Variants in EYA3 observed in about 807,000 individuals in gnomAD.
EYA3 encodes EYA transcriptional coactivator and phosphatase 3.
In EYA3, 39 loss-of-function variants were observed where a neutral mutation model predicts 80.0. The observed-to-expected ratio is 0.49, with a 90% CI of 0.38 to 0.64. The LOEUF is 0.64. EYA3 is among the 30% of genes least tolerant of loss of function. The pLI is 0.00. For synonymous variants in EYA3, 206 were observed against 232.8 expected, an observed-to-expected ratio of 0.88 and a Z score of 1.05; for missense variants, 523 against 676.1, an observed-to-expected ratio of 0.77 and a Z score of 2.51.
At chr1:28,066,332 C>A (rs1644836800) in intron 1 of EYA3, among the ~76,000 whole-genome samples, 1 of 151,802 alleles carries the variant, frequency 6.6e-6, no homozygotes, top group Non-Finnish European at 1.5e-5. Context: ...GGGGTACTAC[C>A]TTACTTAAAA....
chr1:28,017,070 T>C, intron 8 of EYA3, 84 bp downstream of exon 8: 1 of 1,210,898 alleles, frequency 8.3e-7, no homozygotes, highest in Non-Finnish European at 1.2e-6. Context: ...GGTTGTTTCT[T>C]AGATAGGCAA....
intron 6 of EYA3, among the ~76,000 whole-genome samples, chr1:28,034,993 A>T (rs1274715572): frequency 6.6e-6 from 1 of 152,162 alleles, no homozygotes; most frequent in African/African-American, 2.4e-5. Flanking sequence ...CATGTCCAAG[A>T]CACCTAAAAC....
intron 3 of EYA3, among the ~76,000 whole-genome samples, chr1:28,042,952 C>T (rs1367428036): frequency 6.6e-6 from 1 of 152,088 alleles, no homozygotes; most frequent in Non-Finnish European, 1.5e-5. Flanking sequence ...TCAAGCAATT[C>T]TCCTGCCTCA....
rs114174300 is a variant in EYA3 at position 28,067,066 on chromosome 1, T to G, written c.-68-8972A>C. On this transcript the variant is annotated intron_variant, in intron 1 of 17. Transcript: ENST00000373871. ...GGGTTATGAGAAGATAAAGACATAT[T>G]CAGTCAGGCACAGCTGTAAAATCAT... Among the ~76,000 whole-genome samples, 702 of 152,294 alleles carry G rather than the reference T, an allele frequency of 4.6e-3. 5 individuals carry two copies. The highest frequency in any genetic ancestry group is 0.016 in the African/African-American group (672 of 41,574).
intron 14 of EYA3, 40 bp from the exon 15 acceptor site, chr1:27,989,851 A>C (rs970133194): frequency 1.5e-6 from 2 of 1,356,616 alleles, no homozygotes; most frequent in Non-Finnish European, 2.0e-6. Flanking sequence ...ATTTGACAAC[A>C]TATATTTGCT....
intron 6 of EYA3, among the ~76,000 whole-genome samples, chr1:28,030,146 A>G (rs1328297153): frequency 6.6e-6 from 1 of 152,218 alleles, no homozygotes; most frequent in Admixed American, 6.5e-5. Context: ...TAAAAATACA[A>G]TACTTTGAGA....
At chr1:27,977,493 G>A in intron 17 of EYA3, 1 of 1,128,010 alleles carries the variant, frequency 8.9e-7, no homozygotes, top group Non-Finnish European at 1.3e-6. Flanking sequence ...ACATAGCTGA[G>A]ACACAGATGG....
intron 7 of EYA3, among the ~76,000 whole-genome samples, chr1:28,023,049 T>G (rs1481279122): frequency 6.9e-6 from 1 of 145,516 alleles, no homozygotes. Context: ...GCCTGGAGCA[T>G]CTTGTAGTGC....
intron 1 of EYA3, among the ~76,000 whole-genome samples, chr1:28,073,749 T>C (rs1435290768): frequency 6.6e-6 from 1 of 152,186 alleles, no homozygotes; most frequent in Non-Finnish European, 1.5e-5. Context: ...TGTATCTCGA[T>C]GTGGTTTTAC....
At position 27,974,259 on chromosome 1, in the gene EYA3, CAGAGAGAGAGAG is replaced by C. The variant is rs3831952; in HGVS notation, c.*195_*206del. 6 of 338,324 alleles carry C rather than the reference CAGAGAGAGAGAG, an allele frequency of 1.8e-5. No individual in the cohort carries two copies. Among genetic ancestry groups the C allele is most frequent in the African/African-American group, 1.2e-4 (5 of 43,200 alleles). 21.0% of individuals were successfully genotyped at this position (338,324 alleles called of 1,614,324 possible). ...CTCGCCAGCATTCCATGGATAAAGA[CAGAGAGAGAGAG>C]AGAGAGAGAGGCAGAGAGGGAGGGA... On this transcript the variant is annotated 3_prime_UTR_variant, in exon 18 of 18. Coordinates refer to ENST00000373871, the MANE Select transcript of EYA3 (RefSeq NM_001990.4).
intron 11 of EYA3, among the ~76,000 whole-genome samples, chr1:28,002,430 A>AT (rs1640930351): frequency 6.6e-6 from 1 of 150,644 alleles, no homozygotes; most frequent in East Asian, 1.9e-4. Context: ...TATATATATA[A>AT]TTTTTTTAAT....
At chr1:28,010,896 TAAG>T in intron 10 of EYA3, 48 bp downstream of exon 10, 1 of 1,577,998 alleles carries the variant, frequency 6.3e-7, no homozygotes, top group Non-Finnish European at 8.6e-7. Context: ...TTGATAAACT[TAAG>T]AAGTGAGAAA....
chr1:28,045,824 T>A (rs984634139), intron 3 of EYA3, among the ~76,000 whole-genome samples: 11 of 152,152 alleles, frequency 7.2e-5, no homozygotes, highest in Non-Finnish European at 1.3e-4. Flanking sequence ...GTCCATAAAG[T>A]GGCACAACAA....
At chr1:28,083,786 T>G (rs1490933004) in intron 1 of EYA3, among the ~76,000 whole-genome samples, 1 of 152,228 alleles carries the variant, frequency 6.6e-6, no homozygotes, top group Non-Finnish European at 1.5e-5. Flanking sequence ...TTACGTTTAA[T>G]TCAGAAATGT....
chr1:28,063,306 T>TATA (rs1553155679), intron 1 of EYA3, among the ~76,000 whole-genome samples: 1 of 70,272 alleles, frequency 1.4e-5, no homozygotes, highest in African/African-American at 6.4e-5. Context: ...TATATATATA[T>TATA]TTTTTTTTAT....
At chr1:28,071,802 C>G (rs1330998672) in intron 1 of EYA3, among the ~76,000 whole-genome samples, 3 of 152,094 alleles carry the variant, frequency 2.0e-5, no homozygotes, top group Non-Finnish European at 4.4e-5. Context: ...GTTGAATATG[C>G]CATTTAACTA....
At chr1:27,980,666 T>C (rs567805654) in intron 16 of EYA3, among the ~76,000 whole-genome samples, 2 of 152,354 alleles carry the variant, frequency 1.3e-5, no homozygotes, top group South Asian at 4.1e-4. Context: ...CAGTTTACCA[T>C]ATGTCAAGCA....
intron 3 of EYA3, among the ~76,000 whole-genome samples, 163 bp from the exon 4 acceptor site, chr1:28,042,813 C>T (rs978234563): frequency 6.6e-6 from 1 of 151,744 alleles, no homozygotes; most frequent in African/African-American, 2.4e-5. Flanking sequence ...GAAGAGAGCT[C>T]GGGCCAGGGC....
chr1:27,993,831 G>T (rs1000974033), intron 13 of EYA3, among the ~76,000 whole-genome samples: 1 of 152,108 alleles, frequency 6.6e-6, no homozygotes, highest in African/African-American at 2.4e-5. Context: ...TTGGGATAAG[G>T]CATCTTTTTC....
Sources: allele counts gnomAD v4.1 joint callset (sites outside exome capture counted in the v4.1 genomes callset), GRCh38; gene constraint gnomAD v4.1.1; transcripts MANE v1.5; gene names NCBI Gene and HGNC (gene_info 2026-07-23, HGNC 2026-07-21).